FGF13: variants seen among roughly 807,000 people sequenced by gnomAD.
The protein encoded by FGF13 is fibroblast growth factor 13, also known as fibroblast growth factor homologous factor 2.
FGF13 carries 2 observed loss-of-function variants against 19.5 expected under a neutral mutation model. The ratio of observed to expected loss-of-function variants is 0.10; its 90% CI spans 0.04 to 0.32. The LOEUF is 0.32. Among genes scored for constraint, FGF13 ranks in the 10% least tolerant of loss-of-function variants. The probability of loss-of-function intolerance (pLI) is 1.00; values close to 1 mark genes in which losing one functional copy is unlikely to be tolerated. For synonymous variants in FGF13, 72 were observed against 76.9 expected (o/e 0.94, Z 0.33); for missense variants, 113 against 192.7 (o/e 0.59, Z 2.45).
At chrX:138,779,210 G>T (rs1451013876) in intron 3 of FGF13, among the ~76,000 whole-genome samples, 1 of 110,140 alleles carries the variant, frequency 9.1e-6, no homozygotes, top group Non-Finnish European at 1.9e-5. Flanking sequence ...CCACAAAGAT[G>T]GGGAAAAAAC....
intron 1 of FGF13, among the ~76,000 whole-genome samples, chrX:138,970,894 C>T (rs1181239435): frequency 1.8e-5 from 2 of 111,833 alleles, no homozygotes; most frequent in East Asian, 5.6e-4. Flanking sequence ...CAAATAACCA[C>T]ACAACGGTAG....
Position 138,629,278 on chromosome X carries a change from T to TAAAC in FGF13, c.*3568_*3571dup. On this transcript the variant is annotated 3_prime_UTR_variant, in exon 5 of 5. Coordinates refer to ENST00000315930, the MANE Select transcript of FGF13 (RefSeq NM_004114.5). ...AGTTTGTCTCAGCATTTGTAAAAGT[T>TAAAC]AAACAGATTTCTTTAACACAAGACT... is the stretch of plus-strand genomic sequence containing the variant. 1 of 112,656 alleles carries TAAAC rather than the reference T, an allele frequency of 8.9e-6. No homozygotes were observed. Among genetic ancestry groups the TAAAC allele is most frequent in the Admixed American group, 9.4e-5 (1 of 10,620 alleles). The allele number at this position is 112,656 out of a possible 1,213,427, so 9.3% of individuals were successfully genotyped here.
At chrX:139,151,434 C>T (rs767955314) in intron 1 of FGF13, among the ~76,000 whole-genome samples, 26 of 111,890 alleles carry the variant, frequency 2.3e-4, no homozygotes, top group Non-Finnish European at 4.3e-4. Context: ...ATTCTAATAA[C>T]ATTATTCAGC....
At chrX:138,713,893 A>T (rs1052194785), upstream of FGF13, among the ~76,000 whole-genome samples, 7 of 111,721 alleles carry the variant, frequency 6.3e-5, no homozygotes, top group African/African-American at 2.0e-4. Flanking sequence ...CCTGTCTACC[A>T]TCCACATAAG....
intron 1 of FGF13, among the ~76,000 whole-genome samples, chrX:138,918,366 G>A (rs1176955742): frequency 4.5e-5 from 5 of 110,801 alleles, no homozygotes; most frequent in Non-Finnish European, 9.4e-5. Flanking sequence ...ACTGCATCCT[G>A]TGGCCCCCAG....
At chrX:138,958,978 G>A (rs903002453) in intron 1 of FGF13, among the ~76,000 whole-genome samples, 1 of 111,434 alleles carries the variant, frequency 9.0e-6, no homozygotes, top group Non-Finnish European at 1.9e-5. Flanking sequence ...CCCAGCTCCT[G>A]GATTCACTGA....
intron 1 of FGF13, among the ~76,000 whole-genome samples, chrX:138,725,450 A>C (rs1024001138): frequency 9.0e-5 from 10 of 111,361 alleles, no homozygotes; most frequent in African/African-American, 3.3e-4. Flanking sequence ...CCAGGGGATA[A>C]AACTCCCTGG....
Position 138,629,685 on chromosome X carries a change from T to C in FGF13, c.*3165A>G, listed in dbSNP as rs961538840. 1 of 111,418 alleles carries C rather than the reference T, an allele frequency of 9.0e-6. No individual in the cohort carries two copies. The highest frequency in any genetic ancestry group is 3.3e-5 in the African/African-American group (1 of 30,609). 9.2% of individuals were successfully genotyped at this position (111,418 alleles called of 1,213,427 possible). On this transcript the variant is annotated 3_prime_UTR_variant, in exon 5 of 5. Transcript: ENST00000315930. ...ATAAATTACCCAGTCTCAGGTAGTATCTTTATAGCAGCGTGAGAATGAACT... is the reference window on the plus strand; with the variant it reads ...ATAAATTACCCAGTCTCAGGTAGTACCTTTATAGCAGCGTGAGAATGAACT...
chrX:138,687,953 ATT>A (rs35630753), intron 3 of FGF13, among the ~76,000 whole-genome samples: 5 of 97,890 alleles, frequency 5.1e-5, no homozygotes, highest in African/African-American at 7.4e-5. Context: ...AAAAAATTGG[ATT>A]TTTTTTTTTT....
At chrX:138,807,540 A>G (rs1184422551) in intron 3 of FGF13, among the ~76,000 whole-genome samples, 1 of 111,851 alleles carries the variant, frequency 8.9e-6, no homozygotes. Flanking sequence ...ATCAACTAAC[A>G]AGCAAAATAA....
intron 1 of FGF13, among the ~76,000 whole-genome samples, chrX:139,004,034 G>A (rs988107015): frequency 6.2e-5 from 7 of 112,433 alleles, no homozygotes; most frequent in Non-Finnish European, 1.1e-4. Flanking sequence ...CGCATTCCTT[G>A]GCCCTTGGGT....
intron 1 of FGF13, among the ~76,000 whole-genome samples, chrX:138,898,258 G>C (rs2091513940): frequency 8.9e-6 from 1 of 112,075 alleles, no homozygotes; most frequent in Non-Finnish European, 1.9e-5. Context: ...TGTATGAGTT[G>C]TTTGAGTGCA....
At chrX:138,869,393 G>A (rs757276028) in intron 1 of FGF13, among the ~76,000 whole-genome samples, 1 of 112,629 alleles carries the variant, frequency 8.9e-6, no homozygotes, top group Non-Finnish European at 1.9e-5. Context: ...TGCCACTGAT[G>A]AGAGTAGTAG....
chrX:138,844,498 G>A (rs1332532987), intron 3 of FGF13, among the ~76,000 whole-genome samples: 1 of 111,626 alleles, frequency 9.0e-6, no homozygotes, highest in Non-Finnish European at 1.9e-5. Flanking sequence ...TCCCAAGAGC[G>A]TGAGAGGCAG....
chrX:139,018,721 G>A (rs1220198176), intron 1 of FGF13, among the ~76,000 whole-genome samples: 2 of 110,706 alleles, frequency 1.8e-5, no homozygotes, highest in African/African-American at 6.6e-5. Context: ...GGTTCATCTG[G>A]GCCTTTGAGG....
chrX:138,885,724 C>T (rs963741638), intron 1 of FGF13, among the ~76,000 whole-genome samples: 37 of 108,828 alleles, frequency 3.4e-4, no homozygotes, highest in Non-Finnish European at 5.3e-4. Flanking sequence ...TACTACCACC[C>T]ATTACGGCCC....
At chrX:138,808,032 C>T (rs1307266278) in intron 3 of FGF13, among the ~76,000 whole-genome samples, 1 of 111,310 alleles carries the variant, frequency 9.0e-6, no homozygotes, top group South Asian at 3.9e-4. Context: ...GACAGATCAA[C>T]GAGACAGAAA....
chrX:138,890,220 C>T (rs774449897), intron 1 of FGF13, among the ~76,000 whole-genome samples: 13 of 111,849 alleles, frequency 1.2e-4, no homozygotes, highest in Non-Finnish European at 1.9e-4. Context: ...TGAGCCACCA[C>T]GCCCGGCCTG....
intron 1 of FGF13, among the ~76,000 whole-genome samples, chrX:138,940,783 G>A (rs1330052992): frequency 9.0e-6 from 1 of 110,761 alleles, no homozygotes; most frequent in Non-Finnish European, 1.9e-5. Flanking sequence ...CTGTTCCATT[G>A]GTCTATGTGT....
Sources: gnomAD v4.1 joint callset for allele counts (sites outside exome capture counted in the v4.1 genomes callset) on GRCh38, gnomAD v4.1.1 for gene constraint, MANE v1.5 for transcripts, NCBI Gene and HGNC (gene_info 2026-07-23, HGNC 2026-07-21) for gene names.